Variants in ZEB2 observed in about 807,000 individuals in gnomAD.
ZEB2 encodes zinc finger E-box binding homeobox 2.
Under a neutral mutation model 99.9 loss-of-function variants are expected in ZEB2, and 6 were observed. The ratio of observed to expected loss-of-function variants is 0.06; its 90% CI spans 0.03 to 0.12. The LOEUF (loss-of-function observed/expected upper bound fraction) is 0.12, where lower values mean the gene tolerates loss of function less well. Among genes scored for constraint, ZEB2 ranks in the 10% least tolerant of loss-of-function variants. The probability of loss-of-function intolerance (pLI) is 1.00; values close to 1 mark genes in which losing one functional copy is unlikely to be tolerated. For synonymous variants in ZEB2, 517 were observed against 542.5 expected (o/e 0.95, Z 0.65); for missense variants, 969 against 1,502.8 (o/e 0.64, Z 5.87).
intron 4 of ZEB2, among the ~76,000 whole-genome samples, chr2:144,422,618 G>C (rs967816048): frequency 3.9e-5 from 6 of 152,158 alleles, no homozygotes; most frequent in African/African-American, 1.4e-4. Flanking sequence ...TGGCCAACAT[G>C]GTGAAACCCC....
chr2:144,490,335 A>G (rs1704658666), intron 2 of ZEB2, among the ~76,000 whole-genome samples: 1 of 152,192 alleles, frequency 6.6e-6, no homozygotes, highest in South Asian at 2.1e-4. Context: ...GATACAATAA[A>G]TGGGAGCTGT....
intron 7 of ZEB2, 129 bp downstream of exon 7, chr2:144,401,070 C>T: frequency 1.2e-6 from 1 of 825,138 alleles, no homozygotes; most frequent in East Asian, 2.6e-5. Flanking sequence ...ATCAGGCACA[C>T]AGAGTTGATG....
chr2:144,453,036 A>G (rs1251490118), intron 2 of ZEB2, among the ~76,000 whole-genome samples: 2 of 152,072 alleles, frequency 1.3e-5, no homozygotes, highest in Non-Finnish European at 2.9e-5. Flanking sequence ...TTTAGTTTCT[A>G]TATTATAGGT....
At chr2:144,498,698 A>G (rs1437395862) in intron 2 of ZEB2, among the ~76,000 whole-genome samples, 2 of 152,214 alleles carry the variant, frequency 1.3e-5, no homozygotes, top group Non-Finnish European at 2.9e-5. Flanking sequence ...TGGAACAACC[A>G]GCTGAGCTGT....
chr2:144,450,043 T>G (rs755206893), intron 2 of ZEB2: 2 of 152,192 alleles, frequency 1.3e-5, no homozygotes, highest in Non-Finnish European at 2.9e-5. Context: ...TTAATTCCAG[T>G]GGTAGGTATA....
intron 6 of ZEB2, among the ~76,000 whole-genome samples, chr2:144,402,869 C>T (rs140213064): frequency 6.6e-6 from 1 of 152,112 alleles, no homozygotes; most frequent in Non-Finnish European, 1.5e-5. Context: ...GAGCTGTTCT[C>T]CTAAAATAGT....
intron 2 of ZEB2, among the ~76,000 whole-genome samples, chr2:144,452,301 TTCTC>T (rs1400336983): frequency 6.6e-6 from 1 of 152,066 alleles, no homozygotes; most frequent in Non-Finnish European, 1.5e-5. Flanking sequence ...TGTATGATAA[TTCTC>T]TCCTATACGC....
At chr2:144,493,532 G>A (rs1051219231) in intron 2 of ZEB2, among the ~76,000 whole-genome samples, 3 of 152,138 alleles carry the variant, frequency 2.0e-5, no homozygotes, top group Non-Finnish European at 4.4e-5. Flanking sequence ...TCATTATATC[G>A]AGTGTCTGGC....
At chr2:144,415,738 A>G (rs1703531064) in intron 4 of ZEB2, among the ~76,000 whole-genome samples, 1 of 152,222 alleles carries the variant, frequency 6.6e-6, no homozygotes, top group African/African-American at 2.4e-5. Flanking sequence ...CTGGTTATGA[A>G]CCATTAACAC....
intron 3 of ZEB2, chr2:144,428,610 A>G (rs1021821369): frequency 6.6e-5 from 10 of 152,196 alleles, no homozygotes; most frequent in Non-Finnish European, 1.3e-4. Flanking sequence ...TATGTTAGGA[A>G]AACGAAAAAC....
At chr2:144,433,310 C>A (rs1703797379) in intron 2 of ZEB2, among the ~76,000 whole-genome samples, 1 of 152,152 alleles carries the variant, frequency 6.6e-6, no homozygotes, top group Non-Finnish European at 1.5e-5. Context: ...GAATTAATTA[C>A]AATTCTGTGT....
intron 9 of ZEB2, among the ~76,000 whole-genome samples, chr2:144,391,858 G>T (rs1703158566): frequency 6.6e-6 from 1 of 152,176 alleles, no homozygotes; most frequent in African/African-American, 2.4e-5. Flanking sequence ...TTTATGACAG[G>T]CTGTGCATTC....
chr2:144,493,927 CG>C (rs1415713268), intron 2 of ZEB2, among the ~76,000 whole-genome samples: 1 of 151,818 alleles, frequency 6.6e-6, no homozygotes, highest in Admixed American at 6.6e-5. Flanking sequence ...CCGAGGCGGG[CG>C]GATCACGAGG....
In ZEB2 at chr2:144,517,368, A is replaced by G. The variant is rs764963313; in HGVS notation, c.-18T>C. 6.2e-6 allele frequency: 10 copies of G among 1,613,500 alleles called. No individual in the cohort carries two copies. Among genetic ancestry groups the G allele is most frequent in the Admixed American group, 3.3e-5 (2 of 60,000 alleles). Reference sequence around the variant, plus strand: ...TGCTTCATTGATAAGAGCGGATCAGATGGCAGTTCGCATGGACTCGGCGCC... The same window carrying G: ...TGCTTCATTGATAAGAGCGGATCAGGTGGCAGTTCGCATGGACTCGGCGCC... On this transcript the variant is annotated 5_prime_UTR_variant, in exon 2 of 10. Transcript: ENST00000627532.
chr2:144,396,644 CAAACAACTTCACATAGGGG>C, intron 8 of ZEB2, 52 bp from the exon 9 acceptor site: 1 of 1,578,256 alleles, frequency 6.3e-7, no homozygotes, highest in Non-Finnish European at 8.6e-7. Flanking sequence ...GTGCTCACAC[CAAACAACTTCACATAGGGG>C]GACATTTGGA....
intron 2 of ZEB2, chr2:144,512,055 C>T (rs1347596056): frequency 5.4e-6 from 7 of 1,287,162 alleles, no homozygotes; most frequent in Non-Finnish European, 7.1e-6. Flanking sequence ...GCCATTCAGA[C>T]AATTGCCCCC....
At position 144,512,916 on chromosome 2, in the gene ZEB2, AAGTC is replaced by A. The variant is rs1023003540; in HGVS notation, c.73+4358_73+4361del. On this transcript the variant is annotated intron_variant, in intron 2 of 9. Coordinates refer to ENST00000627532, the MANE Select transcript of ZEB2 (RefSeq NM_014795.4). ...CACACAACCTGCCCCAGTGCTTTGA[AAGTC>A]AGCAAAACAGGCTCCCTAGAAGCTC... 3 of 1,287,134 alleles carry A rather than the reference AAGTC, an allele frequency of 2.3e-6. No homozygotes were observed. The African/African-American group carries it at 4.6e-5, about 20-fold the overall frequency. The allele number at this position is 1,287,134 out of a possible 1,614,324, so 79.7% of individuals were successfully genotyped here.
rs556207186 is a variant in ZEB2 at position 144,501,357 on chromosome 2, A to G, written c.73+15921T>C. On this transcript the variant is annotated intron_variant, in intron 2 of 9. Transcript: ENST00000627532. The stretch of plus-strand genomic sequence containing the variant: ...GGCCATTTCTGCCAGCCTGGAAAAA[A>G]GGGGAAAAGGCCATGTAAGCAATTG... Among the ~76,000 whole-genome samples the G allele has an allele frequency of 3.3e-5, 5 of 152,298 alleles. No homozygotes were observed. The East Asian group carries it at 9.6e-4, about 29-fold the overall frequency.
At chr2:144,402,408 T>A (rs1288604136) in intron 6 of ZEB2, among the ~76,000 whole-genome samples, 3 of 152,088 alleles carry the variant, frequency 2.0e-5, no homozygotes, top group African/African-American at 7.2e-5. Flanking sequence ...AGCAGCAACC[T>A]TCAAAGATCA....
Sources: gnomAD v4.1 joint callset for allele counts (sites outside exome capture counted in the v4.1 genomes callset) on GRCh38, gnomAD v4.1.1 for gene constraint, MANE v1.5 for transcripts, NCBI Gene and HGNC (gene_info 2026-07-23, HGNC 2026-07-21) for gene names.